GRM5: variants seen among roughly 807,000 people sequenced by gnomAD.
GRM5 encodes the protein metabotropic glutamate receptor 5.
In GRM5, 19 loss-of-function variants were observed where a neutral mutation model predicts 83.1. The observed-to-expected ratio is 0.23, with a 90% CI of 0.16 to 0.34. The LOEUF (loss-of-function observed/expected upper bound fraction) is 0.34, where lower values mean the gene tolerates loss of function less well. GRM5 is among the 10% of genes least tolerant of loss of function. GRM5 has a pLI of 1.00. For synonymous variants in GRM5, 675 were observed against 633.6 expected (o/e 1.07, Z -0.98); for missense variants, 1,160 against 1,588.3 (o/e 0.73, Z 4.58).
chr11:88,589,858 T>C (rs987609256), intron 7 of GRM5, among the ~76,000 whole-genome samples: 12 of 152,180 alleles, frequency 7.9e-5, no homozygotes, highest in African/African-American at 2.7e-4. Context: ...CTTTTATTTC[T>C]ATATTTTTAT....
At chr11:88,632,184 C>G (rs1488018965) in intron 4 of GRM5, among the ~76,000 whole-genome samples, 4 of 151,090 alleles carry the variant, frequency 2.6e-5, no homozygotes, top group South Asian at 2.1e-4. Flanking sequence ...GATTTGCTTT[C>G]TGTCACTCTA....
intron 4 of GRM5, among the ~76,000 whole-genome samples, chr11:88,605,594 A>G (rs1395207105): frequency 3.3e-5 from 5 of 152,164 alleles, no homozygotes; most frequent in African/African-American, 1.2e-4. Context: ...TCATCTAGAG[A>G]AAAAAAGATG....
chr11:88,828,620 C>A (rs1943933946), intron 3 of GRM5, among the ~76,000 whole-genome samples: 1 of 151,950 alleles, frequency 6.6e-6, no homozygotes, highest in Non-Finnish European at 1.5e-5. Flanking sequence ...AATTATTATA[C>A]ACCAGTGATT....
intron 2 of GRM5, among the ~76,000 whole-genome samples, chr11:89,035,608 T>C (rs1049820679): frequency 7.9e-5 from 12 of 151,972 alleles, no homozygotes; most frequent in Non-Finnish European, 1.6e-4. Flanking sequence ...CTATCTACTT[T>C]TCATTGCAGC....
chr11:88,669,788 G>C (rs1940145802), intron 3 of GRM5, among the ~76,000 whole-genome samples: 1 of 151,966 alleles, frequency 6.6e-6, no homozygotes, highest in Non-Finnish European at 1.5e-5. Flanking sequence ...GATTTTACTT[G>C]ATAAAGAGTT....
intron 2 of GRM5, among the ~76,000 whole-genome samples, chr11:88,882,862 A>C (rs1565275607): frequency 6.6e-6 from 1 of 152,144 alleles, no homozygotes. Flanking sequence ...CTGAATCATG[A>C]GGGTGGGTCT....
intron 2 of GRM5, among the ~76,000 whole-genome samples, chr11:88,944,612 T>C (rs1234605626): frequency 2.0e-5 from 3 of 151,840 alleles, no homozygotes; most frequent in Non-Finnish European, 4.4e-5. Flanking sequence ...GATCTCCAGA[T>C]AACCTGTTTT....
At chr11:89,005,367 C>A (rs1940495967) in intron 2 of GRM5, among the ~76,000 whole-genome samples, 1 of 152,106 alleles carries the variant, frequency 6.6e-6, no homozygotes, top group South Asian at 2.1e-4. Context: ...TCAGGAAGAA[C>A]CACTTGCTTG....
intron 2 of GRM5, among the ~76,000 whole-genome samples, chr11:88,864,911 C>T (rs1421163883): frequency 3.3e-5 from 5 of 151,980 alleles, no homozygotes; most frequent in African/African-American, 1.2e-4. Flanking sequence ...TTTTCTGCAT[C>T]TATTGAGATA....
At chr11:88,728,870 T>C (rs1941742366) in intron 3 of GRM5, among the ~76,000 whole-genome samples, 2 of 152,278 alleles carry the variant, frequency 1.3e-5, no homozygotes, top group East Asian at 3.9e-4. Flanking sequence ...TGATGGAACG[T>C]ATCTCAAAAT....
intron 2 of GRM5, among the ~76,000 whole-genome samples, chr11:88,865,766 G>A (rs989287712): frequency 2.0e-5 from 3 of 151,670 alleles, no homozygotes; most frequent in Non-Finnish European, 4.4e-5. Flanking sequence ...CAGACATTTC[G>A]CAAAAGAAGA....
At position 89,004,313 on chromosome 11, in the gene GRM5, G is replaced by A. The variant is rs182986035; in HGVS notation, c.661+42899C>T. On this transcript the variant is annotated intron_variant, in intron 2 of 9. Coordinates refer to ENST00000305447, the MANE Select transcript of GRM5 (RefSeq NM_001143831.3). ...AAATTGTTTGCTGTATGATTTTATT[G>A]GGGGTAGATTATTAAACACAAATAA... Among the ~76,000 whole-genome samples the A allele has an allele frequency of 2.4e-4, 37 of 152,172 alleles. No individual in the cohort carries two copies. In the East Asian group the frequency reaches 6.2e-3, roughly 25 times the overall value.
At chr11:88,993,073 T>C (rs761338265) in intron 2 of GRM5, among the ~76,000 whole-genome samples, 4 of 150,954 alleles carry the variant, frequency 2.6e-5, no homozygotes, top group Non-Finnish European at 5.9e-5. Context: ...AAGATCATCC[T>C]ATCTAACATA....
At chr11:89,061,555 G>C (rs1435007139) in intron 1 of GRM5, among the ~76,000 whole-genome samples, 1 of 152,194 alleles carries the variant, frequency 6.6e-6, no homozygotes, top group Non-Finnish European at 1.5e-5. Context: ...TTAATAATCA[G>C]AGCCAAAATT....
intron 9 of GRM5, among the ~76,000 whole-genome samples, chr11:88,523,685 T>A (rs1941768621): frequency 6.6e-6 from 1 of 152,200 alleles, no homozygotes; most frequent in South Asian, 2.1e-4. Context: ...TAGACAAAGT[T>A]GGCCAAGCCC....
chr11:89,018,078 A>G (rs569655694), intron 2 of GRM5, among the ~76,000 whole-genome samples: 1 of 152,292 alleles, frequency 6.6e-6, no homozygotes, highest in East Asian at 1.9e-4. Flanking sequence ...GGTTTGTTGC[A>G]TGGATGAAAT....
chr11:88,698,901 C>G (rs1159526408), intron 3 of GRM5, among the ~76,000 whole-genome samples: 1 of 152,122 alleles, frequency 6.6e-6, no homozygotes, highest in Admixed American at 6.6e-5. Flanking sequence ...GTGGATTGAA[C>G]AAAGTGGAGA....
At chr11:88,992,539 A>G (rs1172244517) in intron 2 of GRM5, among the ~76,000 whole-genome samples, 1 of 152,156 alleles carries the variant, frequency 6.6e-6, no homozygotes, top group Non-Finnish European at 1.5e-5. Flanking sequence ...AGGATTATAA[A>G]TCATGCTGCT....
chr11:88,727,946 T>G (rs1322402629), intron 3 of GRM5, among the ~76,000 whole-genome samples: 1 of 151,868 alleles, frequency 6.6e-6, no homozygotes, highest in Non-Finnish European at 1.5e-5. Flanking sequence ...AATCAACACA[T>G]TAACATCACA....
Sources: gnomAD v4.1 joint callset for allele counts (sites outside exome capture counted in the v4.1 genomes callset) on GRCh38, gnomAD v4.1.1 for gene constraint, MANE v1.5 for transcripts, NCBI Gene and HGNC (gene_info 2026-07-23, HGNC 2026-07-21) for gene names.